Variants in ADCY2 observed in about 807,000 individuals in gnomAD.
The protein encoded by ADCY2 is adenylate cyclase 2.
A neutral mutation model predicts 125.2 loss-of-function variants in ADCY2; 31 were observed. That is an observed-to-expected ratio of 0.25 (90% CI 0.19 to 0.33). The LOEUF is 0.33. ADCY2 is among the 10% of genes least tolerant of loss of function. The pLI is 1.00. For synonymous variants in ADCY2, 512 were observed against 548.4 expected (o/e 0.93, Z 0.93); for missense variants, 904 against 1,418.2 (o/e 0.64, Z 5.82).
At chr5:7,690,613 G>T in intron 4 of ADCY2, 78 bp from the exon 5 acceptor site, 1 of 1,305,372 alleles carries the variant, frequency 7.7e-7, no homozygotes, top group Non-Finnish European at 9.9e-7. Flanking sequence ...CTACAAATCA[G>T]TGAGGATCTC....
At chr5:7,413,937 G>T (rs1253410270) in intron 1 of ADCY2, among the ~76,000 whole-genome samples, 1 of 152,058 alleles carries the variant, frequency 6.6e-6, no homozygotes, top group African/African-American at 2.4e-5. Context: ...CTTTTTGCTT[G>T]TTTCTTTTTG....
chr5:7,791,215 A>G (rs1744240458), intron 20 of ADCY2, among the ~76,000 whole-genome samples: 1 of 151,852 alleles, frequency 6.6e-6, no homozygotes, highest in Admixed American at 6.6e-5. Flanking sequence ...CCCAAGCTTA[A>G]CTTTTAGTGA....
At chr5:7,561,565 C>T (rs1472675455) in intron 3 of ADCY2, among the ~76,000 whole-genome samples, 2 of 134,896 alleles carry the variant, frequency 1.5e-5, no homozygotes, top group African/African-American at 7.9e-5. Flanking sequence ...AAAATGTGAA[C>T]TTTTAGAATG....
rs370192776 is a variant in ADCY2 at position 7,500,785 on chromosome 5, C to T, written c.409-19953C>T. ...ACATATGTGTTTCTTAGCTGTGGCC[C>T]TAGAAAGTGAATGGAAAAACATGGC... On this transcript the variant is annotated intron_variant, in intron 2 of 24. Transcript: ENST00000338316. 1.5e-4 allele frequency among the ~76,000 whole-genome samples: 23 copies of T among 148,882 alleles called. No homozygotes were observed. The South Asian group carries it at 4.7e-3, about 30-fold the overall frequency.
chr5:7,464,768 T>A (rs558831035), intron 2 of ADCY2, among the ~76,000 whole-genome samples: 2 of 152,166 alleles, frequency 1.3e-5, no homozygotes, highest in Non-Finnish European at 2.9e-5. Flanking sequence ...TGTGAGAAGT[T>A]GATGGGATAT....
chr5:7,551,428 G>A (rs1274198183), intron 3 of ADCY2, among the ~76,000 whole-genome samples: 1 of 152,094 alleles, frequency 6.6e-6, no homozygotes, highest in Non-Finnish European at 1.5e-5. Flanking sequence ...AGTCTCCATT[G>A]CAGGGAAGCG....
At chr5:7,420,587 C>T (rs997827623) in intron 2 of ADCY2, among the ~76,000 whole-genome samples, 1 of 152,172 alleles carries the variant, frequency 6.6e-6, no homozygotes, top group Non-Finnish European at 1.5e-5. Flanking sequence ...ACCCCCATCC[C>T]GAAGGTTCCC....
At chr5:7,799,779 T>A (rs977514143) in intron 20 of ADCY2, 2 of 152,136 alleles carry the variant, frequency 1.3e-5, no homozygotes, top group African/African-American at 2.4e-5. Flanking sequence ...GGGATGAGGG[T>A]CGTTTGGTCA....
At chr5:7,814,216 G>T (rs942934610) in intron 22 of ADCY2, among the ~76,000 whole-genome samples, 3 of 146,378 alleles carry the variant, frequency 2.0e-5, no homozygotes, top group African/African-American at 8.4e-5. Context: ...TTTCTGGAAT[G>T]ATATAATTCA....
Position 7,588,242 on chromosome 5 carries a change from C to T in ADCY2, c.571-37925C>T, listed in dbSNP as rs976040305. 2.8e-4 allele frequency among the ~76,000 whole-genome samples: 43 copies of T among 151,796 alleles called. 1 individual carries two copies. The highest frequency in any genetic ancestry group is 9.7e-4 in the African/African-American group (40 of 41,378). On this transcript the variant is annotated intron_variant, in intron 3 of 24. Coordinates refer to ENST00000338316, the MANE Select transcript of ADCY2 (RefSeq NM_020546.3). ...AAAAATTAATGAGAAAAATAGAAAACATGTACAAGGAAACTAAAATTCTTT... is the reference window on the plus strand; with the variant it reads ...AAAAATTAATGAGAAAAATAGAAAATATGTACAAGGAAACTAAAATTCTTT...
intron 2 of ADCY2, among the ~76,000 whole-genome samples, chr5:7,513,078 G>GACACACACACACACACACACACACAC (rs142515106): frequency 1.5e-4 from 19 of 124,070 alleles, no homozygotes; most frequent in African/African-American, 5.4e-4. Context: ...GAAAATACAT[G>GACACACACACACACACACACACACAC]ACACACACAC....
At chr5:7,555,820 A>G (rs890512922) in intron 3 of ADCY2, among the ~76,000 whole-genome samples, 1 of 151,428 alleles carries the variant, frequency 6.6e-6, no homozygotes, top group Non-Finnish European at 1.5e-5. Flanking sequence ...CAGGAAAATC[A>G]GTGATCTCCC....
intron 2 of ADCY2, among the ~76,000 whole-genome samples, chr5:7,438,646 C>T (rs562482300): frequency 1.9e-4 from 29 of 152,202 alleles, no homozygotes; most frequent in Non-Finnish European, 3.1e-4. Flanking sequence ...ACTGCTTGCC[C>T]GCTGTATGTG....
intron 4 of ADCY2, among the ~76,000 whole-genome samples, chr5:7,669,708 C>A (rs967538167): frequency 6.6e-6 from 1 of 152,174 alleles, no homozygotes; most frequent in African/African-American, 2.4e-5. Context: ...TGTGTACGTG[C>A]ACAGGGTTTT....
At chr5:7,717,993 G>A (rs756949478) in intron 12 of ADCY2, among the ~76,000 whole-genome samples, 1 of 152,094 alleles carries the variant, frequency 6.6e-6, no homozygotes, top group Admixed American at 6.6e-5. Context: ...TCACAGAAAA[G>A]CTTCCATCCT....
At chr5:7,737,321 G>A (rs1312389862) in intron 14 of ADCY2, among the ~76,000 whole-genome samples, 2 of 152,232 alleles carry the variant, frequency 1.3e-5, no homozygotes, top group South Asian at 2.1e-4. Context: ...GGATAGAGGT[G>A]TTGTTAGCAG....
At chr5:7,721,079 G>A (rs1741742301) in intron 12 of ADCY2, among the ~76,000 whole-genome samples, 2 of 152,138 alleles carry the variant, frequency 1.3e-5, no homozygotes, top group African/African-American at 4.8e-5. Context: ...ACTTTTTAAT[G>A]ATCGTCATTC....
chr5:7,421,580 G>T (rs1740204505), intron 2 of ADCY2, among the ~76,000 whole-genome samples: 1 of 152,224 alleles, frequency 6.6e-6, no homozygotes, highest in South Asian at 2.1e-4. Context: ...ACAGTCACAA[G>T]TACTGGGGTT....
At chr5:7,545,869 G>A (rs1250262268) in intron 3 of ADCY2, among the ~76,000 whole-genome samples, 2 of 152,180 alleles carry the variant, frequency 1.3e-5, no homozygotes, top group African/African-American at 2.4e-5. Flanking sequence ...GAGATTGAAT[G>A]TACTGTCAGA....
Sources: allele counts gnomAD v4.1 joint callset (sites outside exome capture counted in the v4.1 genomes callset), GRCh38; gene constraint gnomAD v4.1.1; transcripts MANE v1.5; gene names NCBI Gene and HGNC (gene_info 2026-07-23, HGNC 2026-07-21).